The following MRPL20 variants were observed in gnomAD, a reference collection of about 807,000 sequenced individuals.
MRPL20 encodes mitochondrial ribosomal protein L20.
Under a neutral mutation model 20.0 loss-of-function variants are expected in MRPL20, and 21 were observed. The ratio of observed to expected loss-of-function variants is 1.05; its 90% CI spans 0.74 to 1.51. The LOEUF (loss-of-function observed/expected upper bound fraction) is 1.51. Ranked by LOEUF, MRPL20 falls within the 40% of genes most tolerant of loss-of-function variation. The pLI is 0.00. For synonymous variants in MRPL20, 104 were observed against 73.0 expected (o/e 1.43, Z -2.17); for missense variants, 252 against 185.6 (o/e 1.36, Z -2.08).
chr1:1,404,951 T>C (rs987621586), intron 3 of MRPL20, among the ~76,000 whole-genome samples: 1 of 152,112 alleles, frequency 6.6e-6, no homozygotes, highest in African/African-American at 2.4e-5. Context: ...CTCTGCCACA[T>C]GGACTGCTAA....
rs1268547521 is a variant in MRPL20, at chr1:1,402,223, C to T, written c.310G>A (p.Asp104Asn). ...QVELNRKVLA[D>N]LAIYEPKTFK... is the part of the protein sequence containing the mutation. The stretch of plus-strand genomic sequence containing the variant: ...GTCTTTGGCTCGTAGATGGCCAGAT[C>T]CGCTAGGACTTTCCTGTTGAGCTCC... Residue 104 changes from aspartate (D) to asparagine (N), a missense_variant, in exon 4 of 4, where the codon GAT becomes AAT. Coordinates refer to ENST00000344843, the MANE Select transcript of MRPL20 (RefSeq NM_017971.4). The T allele has an allele frequency of 1.2e-6, 2 of 1,613,376 alleles. No individual in the cohort carries two copies. Among genetic ancestry groups the T allele is most frequent in the Non-Finnish European group, 1.7e-6 (2 of 1,179,780 alleles).
intron 3 of MRPL20, among the ~76,000 whole-genome samples, chr1:1,403,127 C>CAAAAAAA (rs113198351): frequency 0.12 from 16,073 of 137,718 alleles, 2,182 homozygotes; most frequent in African/African-American, 0.33. Context: ...AGATTGTATC[C>CAAAAAAA]AAAAAAAAAA....
chr1:1,404,240 G>A (rs969711523), intron 3 of MRPL20, among the ~76,000 whole-genome samples: 7 of 150,252 alleles, frequency 4.7e-5, no homozygotes, highest in African/African-American at 9.8e-5. Flanking sequence ...TGCAATCTCC[G>A]TCTCCCGGGT....
intron 3 of MRPL20, chr1:1,402,648 G>A (rs911340220): frequency 8.1e-6 from 8 of 993,210 alleles, no homozygotes; most frequent in Non-Finnish European, 9.6e-6. Flanking sequence ...CAATGCCAGA[G>A]TTTAAGGAGT....
intron 3 of MRPL20, among the ~76,000 whole-genome samples, chr1:1,404,319 A>G (rs942221418): frequency 1.4e-4 from 21 of 151,064 alleles, no homozygotes; most frequent in Non-Finnish European, 2.5e-4. Flanking sequence ...ACGCCTGGCT[A>G]ATTTTTTTGT....
chr1:1,403,257 T>C (rs917218012), intron 3 of MRPL20, among the ~76,000 whole-genome samples: 6 of 151,988 alleles, frequency 3.9e-5, no homozygotes, highest in African/African-American at 1.4e-4. Context: ...TTCTTTCTTT[T>C]TTTTGAAACA....
At chr1:1,404,438 G>A (rs1232815817) in intron 3 of MRPL20, among the ~76,000 whole-genome samples, 1 of 151,366 alleles carries the variant, frequency 6.6e-6, no homozygotes, top group Admixed American at 6.6e-5. Flanking sequence ...ACAGGTGTGA[G>A]CCACCGCGCC....
chr1:1,404,603 C>T (rs979657794), intron 3 of MRPL20, among the ~76,000 whole-genome samples: 2 of 150,840 alleles, frequency 1.3e-5, no homozygotes, highest in African/African-American at 2.4e-5. Flanking sequence ...CAAGTTCAAG[C>T]GATTCTCCAG....
rs373960030 is a variant in MRPL20, at chr1:1,405,763, C to G, written c.276+46G>C. 3.1e-6 allele frequency: 5 copies of G among 1,614,010 alleles called. No homozygotes were observed. In the African/African-American group the frequency reaches 6.7e-5, roughly 22 times the overall value. On this transcript the variant is annotated intron_variant, in intron 3 of 3. Coordinates refer to ENST00000344843, the MANE Select transcript of MRPL20 (RefSeq NM_017971.4). ...ACCACCACGCCCCGCATGATGGTTT[C>G]TGCAGATGTCCAGAATTTCAGTGGG...
chr1:1,405,853 C>G lies in MRPL20; in HGVS notation c.232G>C (p.Glu78Gln). The G allele has an allele frequency of 6.2e-7, 1 of 1,613,924 alleles. No homozygotes were observed. Among genetic ancestry groups the G allele is most frequent in the Non-Finnish European group, 8.5e-7 (1 of 1,179,834 alleles). Residue 78 changes from glutamate to glutamine, a missense_variant, in exon 3 of 4, where the codon GAA becomes CAA. Glu to Gln is a conservative substitution (Grantham distance 29). Coordinates refer to ENST00000344843, the MANE Select transcript of MRPL20 (RefSeq NM_017971.4). ...WINRITAASQEHGLKYPALIG... is the reference protein window; with the variant it reads ...WINRITAASQQHGLKYPALIG... Reference sequence around the variant, plus strand: ...AGCGCTGGATACTTCAGTCCATGTTCCTGGCTAGCAGCTGTAATTCGATTA... The same window carrying G: ...AGCGCTGGATACTTCAGTCCATGTTGCTGGCTAGCAGCTGTAATTCGATTA...
rs1390878835 is a variant in MRPL20, at chr1:1,402,142, C to T, written c.391G>A (p.Ala131Thr). The T allele has an allele frequency of 6.2e-7, 1 of 1,614,068 alleles. No homozygotes were observed. The highest frequency in any genetic ancestry group is 1.3e-5 in the African/African-American group (1 of 74,948). Residue 131 changes from alanine (A) to threonine (T), a missense_variant, in exon 4 of 4, where the codon GCC (alanine) becomes ACC (threonine). Physicochemically the swap from Ala to Thr is moderately conservative, Grantham distance 58. Coordinates refer to ENST00000344843, the MANE Select transcript of MRPL20 (RefSeq NM_017971.4). ...SRRRHEGFAA[A>T]LGDGKEPEGI... ...TCAGGTTCCTTCCCATCCCCCAAGG[C>T]AGCAGCAAATCCTTCGTGTCGCCTC... is the stretch of plus-strand genomic sequence containing the variant.
intron 2 of MRPL20, chr1:1,406,357 GA>G (rs1186363691): frequency 2.3e-5 from 4 of 174,188 alleles, no homozygotes; most frequent in African/African-American, 4.8e-5. Context: ...CTCGGGGTAA[GA>G]AAAAAAAACC....
chr1:1,407,254 G>C lies in MRPL20; in HGVS notation c.-37C>G, dbSNP rs770093879. On this transcript the variant is annotated 5_prime_UTR_variant, in exon 1 of 4. Coordinates refer to ENST00000344843, the MANE Select transcript of MRPL20 (RefSeq NM_017971.4). ...GCCGGCGTCCCGAACACTCAACAAC[G>C]CACGCGCAGCGCCGCTGCCATCTTG... is the stretch of plus-strand genomic sequence containing the variant. The C allele has an allele frequency of 2.6e-6, 4 of 1,521,820 alleles. No individual in the cohort carries two copies. Among genetic ancestry groups the C allele is most frequent in the Non-Finnish European group, 3.6e-6 (4 of 1,117,758 alleles). The allele number at this position is 1,521,820 out of a possible 1,614,324, so 94.3% of individuals were successfully genotyped here.
At chr1:1,405,190 A>T (rs1424408559) in intron 3 of MRPL20, 1 of 156,054 alleles carries the variant, frequency 6.4e-6, no homozygotes, top group East Asian at 1.9e-4. Context: ...GGGTTTCACC[A>T]CGTTGGCCAG....
chr1:1,402,497 G>C (rs1645341452), intron 3 of MRPL20: 7 of 1,264,050 alleles, frequency 5.5e-6, no homozygotes, highest in Middle Eastern at 6.1e-4. Context: ...CTCCAGTCCT[G>C]ATGTCGGCCC....
chr1:1,405,946 A>G, intron 2 of MRPL20, 60 bp from the exon 3 acceptor site: 1 of 1,567,504 alleles, frequency 6.4e-7, no homozygotes, highest in Admixed American at 1.9e-5. Flanking sequence ...GTCCCAGCAA[A>G]GCCTCTAATT....
intron 3 of MRPL20, 126 bp from the exon 4 acceptor site, chr1:1,402,382 G>T: frequency 7.0e-7 from 1 of 1,423,540 alleles, no homozygotes; most frequent in East Asian, 2.5e-5. Flanking sequence ...AGGCCTAGGA[G>T]AATCCTATCT....
At chr1:1,404,445 C>T (rs1645364145) in intron 3 of MRPL20, among the ~76,000 whole-genome samples, 1 of 151,676 alleles carries the variant, frequency 6.6e-6, no homozygotes, top group Non-Finnish European at 1.5e-5. Context: ...TGAGCCACCG[C>T]GCCTGGCCTG....
intron 3 of MRPL20, among the ~76,000 whole-genome samples, chr1:1,404,338 T>TA (rs1317791282): frequency 6.6e-6 from 1 of 151,232 alleles, no homozygotes; most frequent in Non-Finnish European, 1.5e-5. Flanking sequence ...GTATTTTTAG[T>TA]AGAGTCGGGG....
Sources: gnomAD v4.1 joint callset for allele counts (sites outside exome capture counted in the v4.1 genomes callset) on GRCh38, gnomAD v4.1.1 for gene constraint, MANE v1.5 for transcripts, NCBI Gene and HGNC (gene_info 2026-07-23, HGNC 2026-07-21) for gene names.